The following ZNF626 variants were observed in gnomAD, a reference collection of about 807,000 sequenced individuals.
The protein encoded by ZNF626 is CTC-513N18.7.
In ZNF626, 4 loss-of-function variants were observed where a neutral mutation model predicts 11.7. The observed-to-expected ratio is 0.34, with a 90% CI of 0.17 to 0.78. The LOEUF (loss-of-function observed/expected upper bound fraction) is 0.78. ZNF626 is among the 30% of genes least tolerant of loss of function. ZNF626 has a pLI of 0.57. For missense variants in ZNF626, 588 were observed against 587.1 expected (o/e 1.00, Z -0.01); for synonymous variants, 179 against 198.6 (o/e 0.90, Z 0.83).
At chr19:20,645,524 A>C in intron 3 of ZNF626, 160 bp downstream of exon 3, 1 of 1,565,212 alleles carries the variant, frequency 6.4e-7, no homozygotes, top group Non-Finnish European at 8.6e-7. Flanking sequence ...AAAATTAAAA[A>C]AGAAAAAACC....
rs200181459 is a variant in ZNF626 at position 20,623,965 on chromosome 19, T to C, written c.*325A>G. On this transcript the variant is annotated 3_prime_UTR_variant, in exon 4 of 4. Transcript: ENST00000601440. ...AGAGTTTATATTTCATATCAATTCT[T>C]AGTTAGAAATTGAGGGCTGGTTAAA... The C allele has an allele frequency of 4.2e-5, 14 of 334,784 alleles. No homozygotes were observed. Among genetic ancestry groups the C allele is most frequent in the East Asian group, 3.8e-4 (7 of 18,376 alleles). 20.7% of individuals were successfully genotyped at this position (334,784 alleles called of 1,614,324 possible). A position where few individuals can be genotyped will look rare whatever the true frequency, so the allele number is the denominator to read the frequency against.
At chr19:20,638,501 A>T (rs1009118949) in intron 3 of ZNF626, among the ~76,000 whole-genome samples, 4 of 151,620 alleles carry the variant, frequency 2.6e-5, no homozygotes, top group Non-Finnish European at 5.9e-5. Flanking sequence ...TGGTTTTTTT[A>T]AAAAGCAATC....
chr19:20,657,733 A>G (rs1479041335), intron 1 of ZNF626, among the ~76,000 whole-genome samples: 1 of 152,134 alleles, frequency 6.6e-6, no homozygotes, highest in African/African-American at 2.4e-5. Context: ...TGAATCCAGG[A>G]GGCGAAGGTT....
chr19:20,625,362 G>A lies in ZNF626; in HGVS notation c.515C>T (p.Pro172Leu), dbSNP rs1341069928. The A allele has an allele frequency of 3.1e-6, 5 of 1,614,008 alleles. No homozygotes were observed. Among genetic ancestry groups the A allele is most frequent in the Non-Finnish European group, 4.2e-6 (5 of 1,180,002 alleles). ...GQKRGHTGKK[P>L]FKYIECGKAF... ...TTTGCCACATTCTATATATTTGAAA[G>A]GTTTTTTCCCAGTATGTCCTCTCTT... The change falls in exon 4 of 4, where the codon CCT (proline) becomes CTT (leucine). Residue 172 changes from proline (P) to leucine (L), a missense_variant. Transcript: ENST00000601440.
chr19:20,659,869 G>A (rs868977300), intron 1 of ZNF626, among the ~76,000 whole-genome samples: 5 of 152,040 alleles, frequency 3.3e-5, no homozygotes, highest in African/African-American at 1.2e-4. Flanking sequence ...AGCTTTCCAA[G>A]GCTTTGTAGC....
intron 1 of ZNF626, among the ~76,000 whole-genome samples, chr19:20,657,829 C>CAA (rs1258145073): frequency 3.3e-5 from 5 of 150,666 alleles, no homozygotes; most frequent in Non-Finnish European, 1.5e-5. Flanking sequence ...AAAAAACAAA[C>CAA]AAAAAAAAGA....
At chr19:20,646,733 AAG>A (rs1970083393) in intron 1 of ZNF626, among the ~76,000 whole-genome samples, 2 of 152,236 alleles carry the variant, frequency 1.3e-5, no homozygotes. Context: ...TCAGATGGAA[AAG>A]ACATGTTTAG....
rs1159859211 is a variant in ZNF626, at chr19:20,622,819, T to C, written c.*1471A>G. On this transcript the variant is annotated 3_prime_UTR_variant, in exon 4 of 4. Coordinates refer to ENST00000601440, the MANE Select transcript of ZNF626 (RefSeq NM_001076675.3). ...AATTCTGATATTTACATACAATTAATTTTGAATTAAATATTTTTTCATGTT... is the reference window on the plus strand; with the variant it reads ...AATTCTGATATTTACATACAATTAACTTTGAATTAAATATTTTTTCATGTT... The C allele has an allele frequency of 1.3e-5, 2 of 152,208 alleles. No homozygotes were observed. The highest frequency in any genetic ancestry group is 2.9e-5 in the Non-Finnish European group (2 of 68,014). 9.4% of individuals were successfully genotyped at this position (152,208 alleles called of 1,614,324 possible). A position where few individuals can be genotyped will look rare whatever the true frequency, so the allele number is the denominator to read the frequency against.
rs1969743219 is a variant in ZNF626, at chr19:20,620,350, G to A, written c.*3940C>T. The A allele has an allele frequency of 6.6e-6, 1 of 151,988 alleles. No homozygotes were observed. Among genetic ancestry groups the A allele is most frequent in the Non-Finnish European group, 1.5e-5 (1 of 67,986 alleles). The allele number at this position is 151,988 out of a possible 1,614,324, so 9.4% of individuals were successfully genotyped here. A position where few individuals can be genotyped will look rare whatever the true frequency, so the allele number is the denominator to read the frequency against. ...AAACTTATTTTGTTCCAATAATTGC[G>A]TTTTCTTCTGAAAATATGTACAAAT... On this transcript the variant is annotated 3_prime_UTR_variant, in exon 4 of 4. Coordinates refer to ENST00000601440, the MANE Select transcript of ZNF626 (RefSeq NM_001076675.3).
At chr19:20,649,917 C>T (rs1365136383) in intron 1 of ZNF626, among the ~76,000 whole-genome samples, 4 of 152,224 alleles carry the variant, frequency 2.6e-5, no homozygotes, top group Non-Finnish European at 5.9e-5. Context: ...AAATACTTCT[C>T]GTACAAATAA....
At chr19:20,648,047 C>CA (rs1970102697) in intron 1 of ZNF626, among the ~76,000 whole-genome samples, 2 of 151,618 alleles carry the variant, frequency 1.3e-5, no homozygotes, top group African/African-American at 4.8e-5. Flanking sequence ...GGTGTTGTGG[C>CA]AAGCACCTGT....
chr19:20,656,594 A>C (rs1216945201), intron 1 of ZNF626, among the ~76,000 whole-genome samples: 1 of 152,158 alleles, frequency 6.6e-6, no homozygotes, highest in African/African-American at 2.4e-5. Context: ...AGTTTACAAG[A>C]AAAAGGCAAA....
chr19:20,632,123 C>A (rs1254530799), intron 3 of ZNF626, among the ~76,000 whole-genome samples: 1 of 152,222 alleles, frequency 6.6e-6, no homozygotes, highest in Non-Finnish European at 1.5e-5. Flanking sequence ...GATCCTCACT[C>A]TCTTCTGGCT....
At position 20,661,530 on chromosome 19, in the gene ZNF626, A is replaced by C; in HGVS notation, c.-84T>G. 7.9e-7 allele frequency: 1 copy of C among 1,264,000 alleles called. No homozygotes were observed. The highest frequency in any genetic ancestry group is 1.1e-6 in the Non-Finnish European group (1 of 939,050). 78.3% of individuals were successfully genotyped at this position (1,264,000 alleles called of 1,614,324 possible). On this transcript the variant is annotated 5_prime_UTR_variant, in exon 1 of 4. Coordinates refer to ENST00000601440, the MANE Select transcript of ZNF626 (RefSeq NM_001076675.3). ...ACGGGGCCACACAGCCTGGGCCTTT[A>C]GGAGAAGAACCAGACCTGGAGCTCT...
intron 3 of ZNF626, among the ~76,000 whole-genome samples, chr19:20,626,691 T>C (rs1555769786): frequency 6.6e-6 from 1 of 151,940 alleles, no homozygotes; most frequent in Non-Finnish European, 1.5e-5. Context: ...CCACTGCACT[T>C]CAGACTGGAT....
intron 3 of ZNF626, among the ~76,000 whole-genome samples, chr19:20,627,820 G>A (rs1318114834): frequency 1.3e-5 from 2 of 152,090 alleles, no homozygotes; most frequent in African/African-American, 4.8e-5. Context: ...GGGTACATGT[G>A]CACAACGTGC....
chr19:20,641,470 T>C (rs945211476), intron 3 of ZNF626, among the ~76,000 whole-genome samples: 2 of 152,192 alleles, frequency 1.3e-5, no homozygotes, highest in Non-Finnish European at 2.9e-5. Context: ...TGTCAAGGGC[T>C]GGAGAGAGGG....
At chr19:20,636,018 G>C (rs1003211550) in intron 3 of ZNF626, among the ~76,000 whole-genome samples, 9 of 152,144 alleles carry the variant, frequency 5.9e-5, no homozygotes, top group South Asian at 2.1e-4. Flanking sequence ...TGTAATCCCA[G>C]CTACTCAGGA....
At chr19:20,641,478 G>C (rs1177705242) in intron 3 of ZNF626, among the ~76,000 whole-genome samples, 2 of 152,254 alleles carry the variant, frequency 1.3e-5, no homozygotes, top group East Asian at 3.9e-4. Flanking sequence ...GCTGGAGAGA[G>C]GGTAAAATTA....
Sources: allele counts gnomAD v4.1 joint callset (sites outside exome capture counted in the v4.1 genomes callset), GRCh38; gene constraint gnomAD v4.1.1; transcripts MANE v1.5; gene names NCBI Gene and HGNC (gene_info 2026-07-23, HGNC 2026-07-21).